Variants in GALK2 observed in about 807,000 individuals in gnomAD.
The protein encoded by GALK2 is N-acetylgalactosamine kinase.
GALK2 carries 36 observed loss-of-function variants against 52.4 expected under a neutral mutation model. The observed-to-expected ratio is 0.69, with a 90% CI of 0.53 to 0.91. The LOEUF (loss-of-function observed/expected upper bound fraction) is 0.91. GALK2 is among the 40% of genes least tolerant of loss of function. The pLI, the probability that GALK2 is intolerant of heterozygous loss-of-function variation, is 0.00. For missense variants in GALK2, 579 were observed against 559.1 expected (o/e 1.04, Z -0.36); for synonymous variants, 176 against 199.1 (o/e 0.88, Z 0.98).
rs893642329 is a variant in GALK2 at position 49,239,129 on chromosome 15, T to C, written c.358-92T>C. The C allele has an allele frequency of 7.0e-5, 75 of 1,069,502 alleles. No homozygotes were observed. The East Asian group carries it at 1.8e-3, about 25-fold the overall frequency. 66.3% of individuals were successfully genotyped at this position (1,069,502 alleles called of 1,614,324 possible). The stretch of plus-strand genomic sequence containing the variant: ...TCTATAACTATTATAAGTCTATTGA[T>C]AGACTTTTGTTCTCTGGGGAATGAA... On this transcript the variant is annotated intron_variant, in intron 4 of 9. Transcript: ENST00000560031.
chr15:49,349,687 G>T (rs2041983587), intron 3 of GALK2, among the ~76,000 whole-genome samples: 1 of 152,066 alleles, frequency 6.6e-6, no homozygotes, highest in Non-Finnish European at 1.5e-5. Flanking sequence ...CTGTAAAAAG[G>T]CAATTGCAGA....
At chr15:49,267,503 T>A (rs1429241885) in intron 5 of GALK2, among the ~76,000 whole-genome samples, 1 of 152,162 alleles carries the variant, frequency 6.6e-6, no homozygotes, top group East Asian at 1.9e-4. Context: ...AGAGTCTCAG[T>A]CCAATGGGGA....
intron 3 of GALK2, chr15:49,366,589 C>T (rs2045230994): frequency 1.3e-6 from 2 of 1,599,968 alleles, no homozygotes; most frequent in Admixed American, 1.7e-5. Flanking sequence ...CATTTCCAGA[C>T]GCATGCAAGA....
chr15:49,298,250 T>G (rs2141849547), intron 8 of GALK2, among the ~76,000 whole-genome samples: 1 of 152,306 alleles, frequency 6.6e-6, no homozygotes, highest in Admixed American at 6.5e-5. Flanking sequence ...ATACTACTGA[T>G]TTTTGTACAT....
intron 3 of GALK2, among the ~76,000 whole-genome samples, chr15:49,355,589 G>A (rs2043017559): frequency 1.3e-5 from 2 of 152,194 alleles, no homozygotes; most frequent in African/African-American, 2.4e-5. Context: ...ATGGGGCTAT[G>A]TGAAAAGACC....
In GALK2 at chr15:49,170,386, G is replaced by T; in HGVS notation, c.53+11G>T. On this transcript the variant is annotated intron_variant, in intron 1 of 9. Coordinates refer to ENST00000560031, the MANE Select transcript of GALK2 (RefSeq NM_002044.4). ...GGCAGAACATCCTAGGTGGGGGAGA[G>T]GAGACGCCGGGCTTTGGGATCTGCT... 6.3e-7 allele frequency: 1 copy of T among 1,581,842 alleles called. No individual in the cohort carries two copies. The highest frequency in any genetic ancestry group is 1.2e-5 in the South Asian group (1 of 86,120).
At chr15:49,228,687 A>ATACATATATT (rs1555409061) in intron 3 of GALK2, among the ~76,000 whole-genome samples, 3 of 14,274 alleles carry the variant, frequency 2.1e-4, no homozygotes, top group Admixed American at 1.0e-3. Context: ...ATATATATAT[A>ATACATATATT]TTTTTTTTTT....
At chr15:49,335,477 G>A (rs371011363), downstream of GALK2, 38 of 1,613,156 alleles carry the variant, frequency 2.4e-5, no homozygotes, top group South Asian at 4.4e-5. Context: ...ATAACATCAC[G>A]GTATGTTGGA....
intron 7 of GALK2, among the ~76,000 whole-genome samples, chr15:49,290,547 A>G (rs2033832169): frequency 1.3e-5 from 2 of 152,266 alleles, no homozygotes; most frequent in South Asian, 2.1e-4. Flanking sequence ...CTCCCCACAC[A>G]TCACTGGCCC....
chr15:49,174,961 G>C (rs1341724390), intron 1 of GALK2, among the ~76,000 whole-genome samples: 1 of 152,140 alleles, frequency 6.6e-6, no homozygotes, highest in Non-Finnish European at 1.5e-5. Flanking sequence ...GACTGAAGGT[G>C]TTCTAACTTC....
At chr15:49,243,052 G>C (rs1270353675) in intron 5 of GALK2, among the ~76,000 whole-genome samples, 4 of 152,156 alleles carry the variant, frequency 2.6e-5, no homozygotes, top group Admixed American at 6.6e-5. Flanking sequence ...CCTGCGGAGG[G>C]AGTTGCAGAT....
chr15:49,225,098 A>G lies in GALK2; in HGVS notation c.266+7785A>G, dbSNP rs908227183. 1.2e-5 allele frequency: 5 copies of G among 413,430 alleles called. No individual in the cohort carries two copies. The East Asian group carries it at 2.8e-4, about 23-fold the overall frequency. The allele number at this position is 413,430 out of a possible 1,614,324, so 25.6% of individuals were successfully genotyped here. On this transcript the variant is annotated intron_variant, in intron 3 of 9. Coordinates refer to ENST00000560031, the MANE Select transcript of GALK2 (RefSeq NM_002044.4). The stretch of plus-strand genomic sequence containing the variant: ...TTCAGTGCATTTGCAGTAGTGGTCT[A>G]TAGTGGGGTAGGGGGAGACAGATGA...
chr15:49,286,039 T>G (rs2033316512), intron 7 of GALK2, among the ~76,000 whole-genome samples: 1 of 152,158 alleles, frequency 6.6e-6, no homozygotes, highest in African/African-American at 2.4e-5. Context: ...TCAGCCCTCT[T>G]TGAAGTCTTA....
chr15:49,222,364 A>C (rs1476550035), intron 3 of GALK2, among the ~76,000 whole-genome samples: 1 of 152,112 alleles, frequency 6.6e-6, no homozygotes, highest in Non-Finnish European at 1.5e-5. Flanking sequence ...AACTTCCTCC[A>C]TTTCAACTTG....
chr15:49,257,910 AT>A (rs2091882433), intron 5 of GALK2, among the ~76,000 whole-genome samples: 2 of 149,858 alleles, frequency 1.3e-5, no homozygotes, highest in Admixed American at 6.6e-5. Context: ...TTTAATTTTA[AT>A]TATAATTGTA....
At chr15:49,220,965 T>C (rs557556899) in intron 3 of GALK2, among the ~76,000 whole-genome samples, 1 of 152,224 alleles carries the variant, frequency 6.6e-6, no homozygotes, top group African/African-American at 2.4e-5. Context: ...TTGAGTTCCT[T>C]GTATATTTTG....
At chr15:49,361,595 G>A (rs1284721656) in intron 3 of GALK2, among the ~76,000 whole-genome samples, 1 of 152,116 alleles carries the variant, frequency 6.6e-6, no homozygotes, top group Non-Finnish European at 1.5e-5. Flanking sequence ...TTTTATGGCT[G>A]CACAGTATTC....
chr15:49,220,611 C>T (rs575624947), intron 3 of GALK2, among the ~76,000 whole-genome samples: 1 of 152,268 alleles, frequency 6.6e-6, no homozygotes, highest in East Asian at 1.9e-4. Flanking sequence ...ATTAGGGTTG[C>T]TGGATCATAT....
intron 5 of GALK2, among the ~76,000 whole-genome samples, chr15:49,258,777 C>CAT (rs144138275): frequency 3.4e-4 from 46 of 134,636 alleles, no homozygotes; most frequent in South Asian, 9.9e-4. Flanking sequence ...TATTTGGAAG[C>CAT]ATATATATAT....
Sources: gnomAD v4.1 joint callset for allele counts (sites outside exome capture counted in the v4.1 genomes callset) on GRCh38, gnomAD v4.1.1 for gene constraint, MANE v1.5 for transcripts, NCBI Gene and HGNC (gene_info 2026-07-23, HGNC 2026-07-21) for gene names.